Variants in ARHGAP8 observed in about 807,000 individuals in gnomAD.
The protein encoded by ARHGAP8 is rho GTPase-activating protein 8.
A neutral mutation model predicts 46.1 loss-of-function variants in ARHGAP8; 62 were observed. The observed-to-expected ratio is 1.34, with a 90% CI of 1.10 to 1.66. The LOEUF is 1.66. Ranked by LOEUF, ARHGAP8 falls within the 40% of genes most tolerant of loss-of-function variation. The pLI is 0.00. For synonymous variants in ARHGAP8, 375 were observed against 243.1 expected (o/e 1.54, Z -5.05); for missense variants, 923 against 568.4 (o/e 1.62, Z -6.34).
At chr22:44,772,025 G>A (rs1926048730) in intron 1 of ARHGAP8, among the ~76,000 whole-genome samples, 1 of 152,072 alleles carries the variant, frequency 6.6e-6, no homozygotes, top group Non-Finnish European at 1.5e-5. Flanking sequence ...TCTGTATGAT[G>A]TTAGCTGTAG....
At chr22:44,851,802 G>A (rs112653759) in intron 10 of ARHGAP8, among the ~76,000 whole-genome samples, 6 of 152,112 alleles carry the variant, frequency 3.9e-5, no homozygotes, top group African/African-American at 1.4e-4. Context: ...TCACACCACT[G>A]TACTCCAGCC....
At chr22:44,848,433 C>T (rs2070014566) in intron 9 of ARHGAP8, among the ~76,000 whole-genome samples, 1 of 152,252 alleles carries the variant, frequency 6.6e-6, no homozygotes, top group Non-Finnish European at 1.5e-5. Context: ...AACCCGCAGG[C>T]AGGGGCAGTG....
At chr22:44,835,612 T>C (rs1255386629) in intron 7 of ARHGAP8, among the ~76,000 whole-genome samples, 2 of 152,150 alleles carry the variant, frequency 1.3e-5, no homozygotes, top group African/African-American at 2.4e-5. Context: ...AGAGTGAGAA[T>C]CAGTCTCAAG....
At chr22:44,846,750 C>T (rs577623714) in intron 8 of ARHGAP8, among the ~76,000 whole-genome samples, 3 of 152,152 alleles carry the variant, frequency 2.0e-5, no homozygotes, top group Non-Finnish European at 2.9e-5. Context: ...GTGCCTCCCT[C>T]GTGCCAGACT....
intron 3 of ARHGAP8, among the ~76,000 whole-genome samples, chr22:44,807,913 G>A (rs774644376): frequency 6.6e-6 from 1 of 152,200 alleles, no homozygotes; most frequent in Non-Finnish European, 1.5e-5. Context: ...GCCTTAGAAG[G>A]ATGCATGTGA....
intron 11 of ARHGAP8, among the ~76,000 whole-genome samples, chr22:44,861,288 A>G (rs1266438672): frequency 6.6e-6 from 1 of 152,144 alleles, no homozygotes; most frequent in Non-Finnish European, 1.5e-5. Flanking sequence ...CTTTTTCATT[A>G]GGAGAGACTG....
intron 1 of ARHGAP8, among the ~76,000 whole-genome samples, chr22:44,768,032 C>G: frequency 1.1e-5 from 1 of 91,096 alleles, no homozygotes; most frequent in Non-Finnish European, 1.9e-5. Flanking sequence ...CAGAGTCTTG[C>G]TCTGTCACCC....
chr22:44,822,997 TCCAGCCTGGGTCTCTGGACCC>T (rs1378249978), intron 6 of ARHGAP8, among the ~76,000 whole-genome samples: 2 of 152,192 alleles, frequency 1.3e-5, no homozygotes, highest in African/African-American at 4.8e-5. Flanking sequence ...CGCGGCCAGA[TCCAGCCTGGGTCTCTGGACCC>T]CCAGCCTGGG....
chr22:44,859,834 G>T lies in ARHGAP8; in HGVS notation c.981G>T (p.Ala327=), dbSNP rs76060959. 4.3e-5 allele frequency: 70 copies of T among 1,613,202 alleles called. No homozygotes were observed. In the East Asian group the frequency reaches 5.1e-4, roughly 12 times the overall value. ...GCTACCTCATGGGCTTCCTGCATGC[G>T]GTGAGTGGGGAAGGGGGGAGCTTGG... is the stretch of plus-strand genomic sequence containing the variant. The part of the protein sequence containing the change: ...VLRYLMGFLH[A]VSRESIFNKM... Residue 327 remains alanine, a splice_region_variant and synonymous_variant, in exon 11 of 12, where the codon GCG becomes GCT. Transcript: ENST00000356099.
chr22:44,809,166 G>C, intron 4 of ARHGAP8: 1 of 471,034 alleles, frequency 2.1e-6, no homozygotes, highest in Non-Finnish European at 4.4e-6. Context: ...TTTTAGCTTT[G>C]CAGGCCTGTT....
intron 1 of ARHGAP8, among the ~76,000 whole-genome samples, chr22:44,759,210 C>T (rs371951434): frequency 5.5e-4 from 83 of 152,268 alleles, no homozygotes; most frequent in African/African-American, 1.8e-3. Flanking sequence ...GTCCCCAGCC[C>T]CGGGTTGGCT....
chr22:44,822,409 T>A lies in ARHGAP8; in HGVS notation c.425T>A (p.Leu142Gln). ...FGKKVIYFNY[L>Q]SELHEHLKYD... Reference sequence around the variant, plus strand: ...AAGAAAGTCATCTATTTCAACTACCTGAGTGAGCTCCACGAACACCTTAAA... The same window carrying A: ...AAGAAAGTCATCTATTTCAACTACCAGAGTGAGCTCCACGAACACCTTAAA... The change falls in exon 6 of 12, where the codon CTG becomes CAG. Residue 142 changes from leucine (L) to glutamine (Q), a missense_variant. Transcript: ENST00000356099. 6.3e-7 allele frequency: 1 copy of A among 1,584,080 alleles called. No individual in the cohort carries two copies. Among genetic ancestry groups the A allele is most frequent in the Non-Finnish European group, 8.5e-7 (1 of 1,170,544 alleles).
chr22:44,786,348 G>C, intron 1 of ARHGAP8, 109 bp from the exon 2 acceptor site: 1 of 1,411,270 alleles, frequency 7.1e-7, no homozygotes, highest in Non-Finnish European at 9.5e-7. Context: ...GGCGCGTAGT[G>C]GGTGTGCAGC....
intron 7 of ARHGAP8, among the ~76,000 whole-genome samples, chr22:44,841,076 TAGA>T (rs1569174024): frequency 6.6e-6 from 1 of 151,978 alleles, no homozygotes; most frequent in Non-Finnish European, 1.5e-5. Flanking sequence ...ATTGGCCCCA[TAGA>T]GAGCAAGGAG....
chr22:44,831,911 CT>C (rs1025034980), intron 7 of ARHGAP8, among the ~76,000 whole-genome samples: 22 of 151,898 alleles, frequency 1.4e-4, no homozygotes, highest in African/African-American at 5.3e-4. Flanking sequence ...AGTCCTCCAA[CT>C]TTTTTTTCAA....
Position 44,860,046 on chromosome 22 carries a change from C to G in ARHGAP8, c.981+212C>G, listed in dbSNP as rs1344806407. On this transcript the variant is annotated intron_variant, in intron 11 of 11. Transcript: ENST00000356099. Reference sequence around the variant, plus strand: ...CTCCTGCCTGTCAGACAGGGCGTACCTGCCCCTGCCTGCTCCTGTACCTGC... The same window carrying G: ...CTCCTGCCTGTCAGACAGGGCGTACGTGCCCCTGCCTGCTCCTGTACCTGC... 2.0e-5 allele frequency among the ~76,000 whole-genome samples: 3 copies of G among 152,116 alleles called. No homozygotes were observed. In the East Asian group the frequency reaches 5.8e-4, roughly 29 times the overall value.
At chr22:44,815,789 T>C (rs373471532) in intron 5 of ARHGAP8, among the ~76,000 whole-genome samples, 10 of 152,106 alleles carry the variant, frequency 6.6e-5, no homozygotes, top group East Asian at 5.8e-4. Flanking sequence ...GGGCATCTTG[T>C]ATTTTCTTCC....
rs138492067 is a variant in ARHGAP8, at chr22:44,786,545, T to A, written c.18T>A (p.Pro6=). 7,665 of 1,613,080 alleles carry A rather than the reference T, an allele frequency of 4.8e-3. 28 individuals are homozygous for A. Among genetic ancestry groups the A allele is most frequent in the Middle Eastern group, 8.9e-3 (53 of 5,970 alleles). The part of the protein sequence containing the change: MAGQD[P]ALSTSHPFYD... ...TGGTGCCCATGGCTGGCCAGGATCC[T>A]GCGCTGAGCACGAGTCACCCGTTCT... The change falls in exon 2 of 12, where the codon CCT becomes CCA. Residue 6 remains proline, a synonymous_variant. Coordinates refer to ENST00000356099, the MANE Select transcript of ARHGAP8 (RefSeq NM_181335.3).
chr22:44,861,675 TCCACATGGCCCCCTGCCACTGGCTGG>T (rs1474664396), intron 11 of ARHGAP8, among the ~76,000 whole-genome samples: 1 of 152,124 alleles, frequency 6.6e-6, no homozygotes, highest in Non-Finnish European at 1.5e-5. Flanking sequence ...CTCACGTTGG[TCCACATGGCCCCCTGCCACTGGCTGG>T]CCACATGACC....
Sources: allele counts gnomAD v4.1 joint callset (sites outside exome capture counted in the v4.1 genomes callset), GRCh38; gene constraint gnomAD v4.1.1; transcripts MANE v1.5; gene names NCBI Gene and HGNC (gene_info 2026-07-23, HGNC 2026-07-21).